SEMA4F: variants seen among roughly 807,000 people sequenced by gnomAD.
SEMA4F encodes the protein semaphorin-4F.
Under a neutral mutation model 78.4 loss-of-function variants are expected in SEMA4F, and 51 were observed. The observed-to-expected ratio is 0.65, with a 90% CI of 0.52 to 0.82. SEMA4F has a LOEUF of 0.82. SEMA4F is among the 40% of genes least tolerant of loss of function. The pLI, the probability that SEMA4F is intolerant of heterozygous loss-of-function variation, is 0.00. For synonymous variants in SEMA4F, 418 were observed against 408.7 expected, an observed-to-expected ratio of 1.02 and a Z score of -0.27; for missense variants, 938 against 1,014.4, an observed-to-expected ratio of 0.92 and a Z score of 1.02.
In SEMA4F at chr2:74,656,570, A is replaced by G; in HGVS notation, c.182A>G (p.His61Arg). The G allele has an allele frequency of 1.2e-6, 2 of 1,614,024 alleles. No individual in the cohort carries two copies. Among genetic ancestry groups the G allele is most frequent in the Admixed American group, 3.3e-5 (2 of 60,010 alleles). Residue 61 changes from histidine (H) to arginine (R), a missense_variant, in exon 2 of 14, where the codon CAC (histidine) becomes CGC (arginine). Transcript: ENST00000357877. ...TGTCTCACCCGGTTCGCAGTCCCTC[A>G]CACATACAATTACTCTGTTCTCCTT... ...DSCLTRFAVP[H>R]TYNYSVLLVD...
intron 5 of SEMA4F, among the ~76,000 whole-genome samples, chr2:74,664,579 C>A (rs1684589103): frequency 6.6e-6 from 1 of 151,924 alleles, no homozygotes; most frequent in Non-Finnish European, 1.5e-5. Context: ...CAATTTACAC[C>A]CTAAATCAGC....
downstream of SEMA4F, among the ~76,000 whole-genome samples, chr2:74,684,646 A>G (rs965076554): frequency 2.0e-5 from 3 of 152,168 alleles, no homozygotes; most frequent in Admixed American, 6.5e-5. Context: ...TGCTCAGACC[A>G]CAGTACTAAG....
chr2:74,656,432 TG>T, intron 1 of SEMA4F, 101 bp from the exon 2 acceptor site: 1 of 1,136,018 alleles, frequency 8.8e-7, no homozygotes, highest in Non-Finnish European at 1.3e-6. Context: ...GCTTAATAAA[TG>T]GTACTTGGAA....
downstream of SEMA4F, among the ~76,000 whole-genome samples, chr2:74,685,255 T>G (rs1246095988): frequency 6.6e-6 from 1 of 152,028 alleles, no homozygotes; most frequent in South Asian, 2.1e-4. Flanking sequence ...CAGGGTTCAG[T>G]AAAAAGAGAA....
At chr2:74,694,811 T>C in the SEMA4F span, among the ~76,000 whole-genome samples, 1 of 152,256 alleles carries the variant, frequency 6.6e-6, no homozygotes, top group Non-Finnish European at 1.5e-5. Flanking sequence ...CTGGACAAGC[T>C]GAAGCTTAGT....
rs776067418 is a variant in SEMA4F at position 74,673,493 on chromosome 2, T to C, written c.587T>C (p.Leu196Pro). The change falls in exon 6 of 14, where the codon CTG becomes CCG. Residue 196 changes from leucine to proline, a missense_variant. Leu to Pro is a moderately conservative substitution (Grantham distance 98). Coordinates refer to ENST00000357877, the MANE Select transcript of SEMA4F (RefSeq NM_004263.5). ...TATGCTGCCACTGTGAAAAACTACC[T>C]GGGGACGGAGCCAATTATCACCAGA... ...VLYAATVKNY[L>P]GTEPIITRAV... 1 of 1,614,130 alleles carries C rather than the reference T, an allele frequency of 6.2e-7. No homozygotes were observed. Among genetic ancestry groups the C allele is most frequent in the East Asian group, 2.2e-5 (1 of 44,880 alleles).
chr2:74,679,760 G>A lies in SEMA4F; in HGVS notation c.1864G>A (p.Ala622Thr), dbSNP rs1450039838. 7 of 1,614,074 alleles carry A rather than the reference G, an allele frequency of 4.3e-6. No individual in the cohort carries two copies. The highest frequency in any genetic ancestry group is 1.3e-5 in the African/African-American group (1 of 74,934). ...ACTGGAGGTGGTGGTGACCCCAGGG[G>A]CCATGGGCGCTTATGCCTGTGAATG... ...DGLEVVVTPG[A>T]MGAYACECQE... is the part of the protein sequence containing the mutation. Residue 622 changes from alanine to threonine, a missense_variant, in exon 14 of 14, where the codon GCC becomes ACC. Ala to Thr is a moderately conservative substitution (Grantham distance 58). Coordinates refer to ENST00000357877, the MANE Select transcript of SEMA4F (RefSeq NM_004263.5).
chr2:74,708,709 A>C, the SEMA4F span, among the ~76,000 whole-genome samples: 2 of 152,176 alleles, frequency 1.3e-5, no homozygotes, highest in African/African-American at 2.4e-5. Flanking sequence ...GGAAAATCTC[A>C]ACTTGAATGA....
the SEMA4F span, among the ~76,000 whole-genome samples, chr2:74,692,834 C>T: frequency 6.6e-6 from 1 of 152,184 alleles, no homozygotes; most frequent in African/African-American, 2.4e-5. Context: ...CAAACACTAG[C>T]CACTTTAAGA....
the SEMA4F span, among the ~76,000 whole-genome samples, chr2:74,707,107 T>C: frequency 1.3e-5 from 2 of 152,240 alleles, no homozygotes; most frequent in Non-Finnish European, 2.9e-5. Flanking sequence ...TGATCCTAGA[T>C]TGGATTCTGG....
the SEMA4F span, among the ~76,000 whole-genome samples, chr2:74,705,798 T>C: frequency 6.6e-6 from 1 of 152,252 alleles, no homozygotes; most frequent in African/African-American, 2.4e-5. Context: ...ACTGCTGGTC[T>C]CAGGCAATCC....
At chr2:74,698,904 G>T in the SEMA4F span, among the ~76,000 whole-genome samples, 1 of 152,172 alleles carries the variant, frequency 6.6e-6, no homozygotes, top group South Asian at 2.1e-4. Flanking sequence ...CATGGTATTT[G>T]GTCAAATCTG....
In SEMA4F at chr2:74,673,461, G is replaced by T. The variant is rs34617503; in HGVS notation, c.555G>T (p.Gly185=). The T allele has an allele frequency of 0.096, 154,510 of 1,613,864 alleles. 7,828 individuals carry two copies. Among genetic ancestry groups the T allele is most frequent in the East Asian group, 0.13 (5,961 of 44,856 alleles). ...CTCCTCCCTGTCGCCCTGCAGGGGG[G>T]GTCCTCTATGCTGCCACTGTGAAAA... ...AQRSAAVMAG[G]VLYAATVKNY... Residue 185 remains glycine, a synonymous_variant, in exon 6 of 14, where the codon GGG becomes GGT. Coordinates refer to ENST00000357877, the MANE Select transcript of SEMA4F (RefSeq NM_004263.5).
intron 10 of SEMA4F, 28 bp downstream of exon 10, chr2:74,675,412 T>C: frequency 6.2e-7 from 1 of 1,605,138 alleles, no homozygotes. Context: ...GCAGGCTGCC[T>C]ACCTAGTGCA....
chr2:74,662,929 A>G, intron 5 of SEMA4F, 104 bp downstream of exon 5: 3 of 1,022,412 alleles, frequency 2.9e-6, no homozygotes, highest in Non-Finnish European at 4.6e-6. Context: ...AATGTCTATT[A>G]TTCTCATGTC....
In SEMA4F at chr2:74,658,178, A is replaced by G. The variant is rs183647804; in HGVS notation, c.456+227A>G. ...AGGGAGGTTGTCTGGAGAGGGTAAG[A>G]TATACAAAGTGTGAAGAGAGACATA... is the stretch of plus-strand genomic sequence containing the variant. On this transcript the variant is annotated intron_variant, in intron 4 of 13. Transcript: ENST00000357877. This position sits in a 1 kb window ranked among gnomAD's most constrained non-coding sequence, Gnocchi z 4.3. Among the ~76,000 whole-genome samples the G allele has an allele frequency of 2.4e-4, 37 of 152,308 alleles. No homozygotes were observed. The highest frequency in any genetic ancestry group is 4.0e-4 in the Non-Finnish European group (27 of 68,034).
At chr2:74,672,621 A>G (rs1685043122) in intron 5 of SEMA4F, among the ~76,000 whole-genome samples, 1 of 152,094 alleles carries the variant, frequency 6.6e-6, no homozygotes, top group South Asian at 2.1e-4. Context: ...TGGTGGTGGT[A>G]CTCAGAGTGG....
At position 74,657,615 on chromosome 2, in the gene SEMA4F, C is replaced by T; in HGVS notation, c.348C>T (p.Gly116=). ...EAHRQNCRKK[G]KKEDECHNFV... ...ACAGACAGAACTGTAGGAAGAAAGG[C>T]AAGAAAGAGGTAGGTGTAAATCTGA... is the stretch of plus-strand genomic sequence containing the variant. Residue 116 remains glycine (G), a synonymous_variant, in exon 3 of 14, where the codon GGC becomes GGT. Transcript: ENST00000357877. 6.2e-7 allele frequency: 1 copy of T among 1,614,100 alleles called. No homozygotes were observed. The highest frequency in any genetic ancestry group is 2.2e-5 in the East Asian group (1 of 44,888).
intron 4 of SEMA4F, among the ~76,000 whole-genome samples, chr2:74,659,164 C>A (rs1390483852): frequency 1.3e-5 from 2 of 152,120 alleles, no homozygotes; most frequent in Non-Finnish European, 2.9e-5. Context: ...CTCTGTATTC[C>A]CTCAGGTAAC....
Sources: allele counts gnomAD v4.1 joint callset (sites outside exome capture counted in the v4.1 genomes callset), GRCh38; gene constraint gnomAD v4.1.1; non-coding constraint Gnocchi (gnomAD v3.1); transcripts MANE v1.5; gene names NCBI Gene and HGNC (gene_info 2026-07-23, HGNC 2026-07-21).